The following TTC28 variants were observed in gnomAD, a reference collection of about 807,000 sequenced individuals.
The protein encoded by TTC28 is tetratricopeptide repeat domain 28.
TTC28 carries 61 observed loss-of-function variants against 198.0 expected under a neutral mutation model. The observed-to-expected ratio is 0.31, with a 90% CI of 0.25 to 0.38. The LOEUF is 0.38. TTC28 is among the 10% of genes least tolerant of loss of function. TTC28 has a pLI of 1.00. For missense variants in TTC28, 2,678 were observed against 3,164.0 expected (o/e 0.85, Z 3.69); for synonymous variants, 1,171 against 1,297.8 (o/e 0.90, Z 2.10).
Position 28,537,264 on chromosome 22 carries a change from G to C in TTC28, c.381+92288C>G, listed in dbSNP as rs370333497. Among the ~76,000 whole-genome samples the C allele has an allele frequency of 8.8e-5, 11 of 124,532 alleles. No homozygotes were observed. The East Asian group carries it at 2.4e-3, about 27-fold the overall frequency. 81.7% of individuals were successfully genotyped at this position (124,532 alleles called of 152,430 possible). A position where few individuals can be genotyped will look rare whatever the true frequency, so the allele number is the denominator to read the frequency against. On this transcript the variant is annotated intron_variant, in intron 2 of 22. Transcript: ENST00000397906. ...GTCGAGATTGCGCCACTGCACTCCA[G>C]CCTGGGCGACAGAGCCAGACTCCGT...
At chr22:28,526,507 T>C (rs764500948) in intron 2 of TTC28, among the ~76,000 whole-genome samples, 2 of 152,182 alleles carry the variant, frequency 1.3e-5, no homozygotes, top group Admixed American at 6.5e-5. Flanking sequence ...AAGAATAGCA[T>C]GTATACAGCT....
At chr22:28,669,654 C>T (rs553489504) in intron 1 of TTC28, among the ~76,000 whole-genome samples, 1 of 152,274 alleles carries the variant, frequency 6.6e-6, no homozygotes, top group South Asian at 2.1e-4. Context: ...AATATGCTTG[C>T]ATTAAAAATG....
intron 2 of TTC28, among the ~76,000 whole-genome samples, chr22:28,541,795 A>G (rs1315677896): frequency 6.6e-6 from 1 of 152,090 alleles, no homozygotes; most frequent in Non-Finnish European, 1.5e-5. Flanking sequence ...GAAATATGAA[A>G]TTTACTAGAT....
chr22:28,029,197 T>C (rs1938971585), intron 13 of TTC28: 1 of 446,758 alleles, frequency 2.2e-6, no homozygotes, highest in Non-Finnish European at 4.7e-6. Context: ...GCTTGAAGTT[T>C]TGGCCTCCTT....
chr22:28,010,854 T>C lies in TTC28; in HGVS notation c.4218+3394A>G, dbSNP rs76948012. ...GGCTCTTCTGCTTTCTGTGCCAAAC[T>C]AGACCCAAAATGCAATGCTGCTTTG... is the stretch of plus-strand genomic sequence containing the variant. On this transcript the variant is annotated intron_variant, in intron 14 of 22. Transcript: ENST00000397906. Among the ~76,000 whole-genome samples, 5 of 152,214 alleles carry C rather than the reference T, an allele frequency of 3.3e-5. No individual in the cohort carries two copies. In the East Asian group the frequency reaches 9.6e-4, roughly 29 times the overall value.
intron 5 of TTC28, among the ~76,000 whole-genome samples, chr22:28,167,477 T>C (rs1362566537): frequency 6.6e-6 from 1 of 152,182 alleles, no homozygotes; most frequent in African/African-American, 2.4e-5. Flanking sequence ...TACACCACGA[T>C]CACGTGGACT....
At chr22:28,084,654 G>T (rs1209989134) in intron 12 of TTC28, among the ~76,000 whole-genome samples, 1 of 152,194 alleles carries the variant, frequency 6.6e-6, no homozygotes, top group Non-Finnish European at 1.5e-5. Context: ...GAACAAAGCT[G>T]GACGGAGAAT....
chr22:28,272,737 G>C (rs976212460), intron 5 of TTC28, among the ~76,000 whole-genome samples: 5 of 152,156 alleles, frequency 3.3e-5, no homozygotes, highest in African/African-American at 1.2e-4. Flanking sequence ...CTGGACAGGG[G>C]AACTCACAGA....
intron 2 of TTC28, among the ~76,000 whole-genome samples, chr22:28,413,444 G>T (rs927549258): frequency 6.6e-6 from 1 of 151,836 alleles, no homozygotes; most frequent in African/African-American, 2.4e-5. Context: ...GTTTCTAGTC[G>T]TCTGATGTAC....
At chr22:28,441,399 T>G (rs1367093993) in intron 2 of TTC28, among the ~76,000 whole-genome samples, 1 of 150,734 alleles carries the variant, frequency 6.6e-6, no homozygotes, top group African/African-American at 2.4e-5. Flanking sequence ...TCGTTCTGTC[T>G]GTATTGGGGT....
intron 2 of TTC28, among the ~76,000 whole-genome samples, chr22:28,483,690 A>T (rs915541635): frequency 3.3e-5 from 5 of 152,218 alleles, no homozygotes; most frequent in Non-Finnish European, 5.9e-5. Context: ...GTTAGAGGTA[A>T]TCATCAAATA....
At chr22:28,250,051 A>C (rs1930410254) in intron 5 of TTC28, among the ~76,000 whole-genome samples, 1 of 152,226 alleles carries the variant, frequency 6.6e-6, no homozygotes, top group Admixed American at 6.5e-5. Context: ...GTCTAATGTA[A>C]GCAATTGGCA....
intron 2 of TTC28, among the ~76,000 whole-genome samples, chr22:28,316,186 G>A (rs2045348218): frequency 6.6e-6 from 1 of 152,100 alleles, no homozygotes; most frequent in Admixed American, 6.6e-5. Flanking sequence ...TATCTGTGTG[G>A]CTATGGGCAT....
intron 2 of TTC28, among the ~76,000 whole-genome samples, chr22:28,382,722 G>A (rs1290538760): frequency 6.6e-6 from 1 of 152,180 alleles, no homozygotes; most frequent in Non-Finnish European, 1.5e-5. Context: ...AGTAGCTATA[G>A]TAGTATAAAA....
rs533594480 is a variant in TTC28 at position 27,995,356 on chromosome 22, C to T, written c.5244+779G>A. 3.9e-5 allele frequency among the ~76,000 whole-genome samples: 6 copies of T among 152,316 alleles called. No individual in the cohort carries two copies. The South Asian group carries it at 1.2e-3, about 32-fold the overall frequency. ...ACGCTGCATGGGCCCCAGGCTGGCACTGGGCTAGGAAGATGTGGGGTGGGC... is the reference window on the plus strand; with the variant it reads ...ACGCTGCATGGGCCCCAGGCTGGCATTGGGCTAGGAAGATGTGGGGTGGGC... On this transcript the variant is annotated intron_variant, in intron 17 of 22. Coordinates refer to ENST00000397906, the MANE Select transcript of TTC28 (RefSeq NM_001145418.2).
chr22:28,107,081 C>T lies in TTC28; in HGVS notation c.2764G>A (p.Gly922Ser). 1.9e-6 allele frequency: 3 copies of T among 1,548,896 alleles called. No homozygotes were observed. Among genetic ancestry groups the T allele is most frequent in the Non-Finnish European group, 2.6e-6 (3 of 1,144,754 alleles). The change falls in exon 7 of 23, where the codon GGC (glycine) becomes AGC (serine). Residue 922 changes from glycine to serine, a missense_variant. Gly to Ser is a moderately conservative substitution (Grantham distance 56). This residue lies in a region of TTC28 where 775 missense variants were observed against 845.9 expected (regional missense o/e 0.92). Coordinates refer to ENST00000397906, the MANE Select transcript of TTC28 (RefSeq NM_001145418.2). The stretch of plus-strand genomic sequence containing the variant: ...TTTTACCTGTGTCCATTTCCCAGGC[C>T]CCGGTAAGCCTTGGCTTGGTCTTGC... ...RMQDQAKAYR[G>S]LGNGHRAMGS...
chr22:28,222,965 C>G (rs952686984), intron 5 of TTC28, among the ~76,000 whole-genome samples: 1 of 152,162 alleles, frequency 6.6e-6, no homozygotes, highest in Admixed American at 6.5e-5. Context: ...AATGAAGGAA[C>G]TCCATTCACA....
intron 12 of TTC28, among the ~76,000 whole-genome samples, chr22:28,082,385 A>T (rs150269899): frequency 7.5e-4 from 114 of 152,222 alleles, no homozygotes; most frequent in Non-Finnish European, 1.3e-3. Context: ...TTAGCTGTGG[A>T]TTTTTCATAT....
chr22:28,194,567 T>A (rs1925204435), intron 5 of TTC28, among the ~76,000 whole-genome samples: 1 of 148,706 alleles, frequency 6.7e-6, no homozygotes, highest in African/African-American at 2.5e-5. Flanking sequence ...GAGAGAAGAG[T>A]CAAATAGATG....
Sources: allele counts gnomAD v4.1 joint callset (sites outside exome capture counted in the v4.1 genomes callset), GRCh38; gene constraint gnomAD v4.1.1; regional missense constraint gnomAD v4.1.1; transcripts MANE v1.5; gene names NCBI Gene and HGNC (gene_info 2026-07-23, HGNC 2026-07-21).